The following ARHGAP20 variants were observed in gnomAD, a reference collection of about 807,000 sequenced individuals.
ARHGAP20 encodes the protein Rho GTPase activating protein 20, also known as rho GTPase-activating protein 20.
In ARHGAP20, 34 loss-of-function variants were observed where a neutral mutation model predicts 73.7. The ratio of observed to expected loss-of-function variants is 0.46; its 90% confidence interval spans 0.35 to 0.61. The LOEUF (loss-of-function observed/expected upper bound fraction) is 0.61. Among genes scored for constraint, ARHGAP20 ranks in the 20% least tolerant of loss-of-function variants. ARHGAP20 has a pLI of 0.00. For synonymous variants in ARHGAP20, 523 were observed against 518.2 expected (o/e 1.01, Z -0.13); for missense variants, 1,314 against 1,420.9 (o/e 0.92, Z 1.21).
chr11:110,641,412 G>A (rs922762238), intron 2 of ARHGAP20, among the ~76,000 whole-genome samples: 3 of 151,934 alleles, frequency 2.0e-5, no homozygotes, highest in African/African-American at 7.2e-5. Context: ...CTTAGTACAA[G>A]GCACTTGATA....
chr11:110,594,743 T>G (rs1179489032), intron 9 of ARHGAP20, among the ~76,000 whole-genome samples: 2 of 152,030 alleles, frequency 1.3e-5, no homozygotes, highest in African/African-American at 4.8e-5. Context: ...CTTCTGAAAC[T>G]ATTCCAATCA....
At chr11:110,689,401 G>A (rs2135114439) in intron 2 of ARHGAP20, among the ~76,000 whole-genome samples, 1 of 151,734 alleles carries the variant, frequency 6.6e-6, no homozygotes, top group South Asian at 2.1e-4. Flanking sequence ...ACATTCCTTT[G>A]AACATAAAAA....
chr11:110,679,893 C>T (rs1169572606), intron 2 of ARHGAP20, among the ~76,000 whole-genome samples: 1 of 152,156 alleles, frequency 6.6e-6, no homozygotes, highest in Non-Finnish European at 1.5e-5. Flanking sequence ...CATTAAACAG[C>T]TGGTCACTCC....
At chr11:110,617,691 T>C (rs1293252262) in intron 4 of ARHGAP20, among the ~76,000 whole-genome samples, 2 of 152,118 alleles carry the variant, frequency 1.3e-5, no homozygotes, top group Non-Finnish European at 2.9e-5. Flanking sequence ...TATTTCCCTT[T>C]CCCCCCTGCT....
chr11:110,604,869 A>G (rs1948187744), intron 9 of ARHGAP20, among the ~76,000 whole-genome samples: 1 of 152,210 alleles, frequency 6.6e-6, no homozygotes, highest in African/African-American at 2.4e-5. Context: ...AGAAAGTGAC[A>G]GGCTGGCTGT....
chr11:110,645,351 G>GA (rs1300939043), intron 2 of ARHGAP20, among the ~76,000 whole-genome samples: 5 of 152,018 alleles, frequency 3.3e-5, no homozygotes, highest in African/African-American at 1.2e-4. Context: ...GTGGCCCACA[G>GA]ACATATTTTT....
At chr11:110,660,071 A>AAAAACAAACAAC (rs1949573462) in intron 2 of ARHGAP20, among the ~76,000 whole-genome samples, 1 of 151,838 alleles carries the variant, frequency 6.6e-6, no homozygotes, top group African/African-American at 2.4e-5. Context: ...CAAAAAAAAA[A>AAAAACAAACAAC]AAAAAAAGAA....
chr11:110,654,027 G>C (rs1300453025), intron 2 of ARHGAP20, among the ~76,000 whole-genome samples: 6 of 152,018 alleles, frequency 3.9e-5, no homozygotes, highest in African/African-American at 1.2e-4. Context: ...ACAGGGAAGG[G>C]AACAACATAC....
intron 8 of ARHGAP20, among the ~76,000 whole-genome samples, chr11:110,607,208 C>T (rs1041407227): frequency 5.9e-5 from 9 of 152,112 alleles, no homozygotes; most frequent in Non-Finnish European, 1.2e-4. Flanking sequence ...TGTCAAGTAT[C>T]ACTATTATTA....
In ARHGAP20 at chr11:110,615,555, C is replaced by T. The variant is rs192403835; in HGVS notation, c.543G>A (p.Gln181=). 104 of 1,610,630 alleles carry T rather than the reference C, an allele frequency of 6.5e-5. No individual in the cohort carries two copies. The Admixed American group carries it at 7.4e-4, about 11-fold the overall frequency. Residue 181 remains glutamine, a splice_region_variant and synonymous_variant, in exon 5 of 15, where the codon CAG becomes CAA. Coordinates refer to ENST00000683387, the MANE Select transcript of ARHGAP20 (RefSeq NM_001384657.1). ...AAATATGAATACTGAAAAAATACCT[C>T]TGAAGGAGAGAGAGCCATTTGTCCT... is the stretch of plus-strand genomic sequence containing the variant. The part of the protein sequence containing the change: ...EQKDKWLSLL[Q]RYINLEKEKD...
intron 9 of ARHGAP20, among the ~76,000 whole-genome samples, chr11:110,604,460 G>C (rs1036094652): frequency 2.0e-5 from 3 of 152,200 alleles, no homozygotes; most frequent in Admixed American, 6.5e-5. Context: ...AAACCCTTAG[G>C]ATTCCTGATT....
chr11:110,660,736 C>A (rs1949590534), intron 2 of ARHGAP20, among the ~76,000 whole-genome samples: 1 of 152,178 alleles, frequency 6.6e-6, no homozygotes, highest in Non-Finnish European at 1.5e-5. Context: ...AGGAAACAAG[C>A]ATGTGCTGTT....
chr11:110,640,578 T>C (rs1949057328), intron 2 of ARHGAP20, among the ~76,000 whole-genome samples: 3 of 152,022 alleles, frequency 2.0e-5, no homozygotes, highest in African/African-American at 7.2e-5. Context: ...AAGTATATTA[T>C]ATGGGAATCT....
At chr11:110,679,025 T>C (rs954609598) in intron 2 of ARHGAP20, among the ~76,000 whole-genome samples, 1 of 152,130 alleles carries the variant, frequency 6.6e-6, no homozygotes, top group Non-Finnish European at 1.5e-5. Flanking sequence ...AGTGTCTTAG[T>C]TGGGTGGGTC....
Position 110,611,928 on chromosome 11 carries a change from T to C in ARHGAP20, c.631-542A>G, listed in dbSNP as rs533505896. Among the ~76,000 whole-genome samples the C allele has an allele frequency of 1.8e-3, 281 of 152,310 alleles. 4 individuals carry two copies. Among genetic ancestry groups the C allele is most frequent in the African/African-American group, 6.4e-3 (266 of 41,574 alleles). On this transcript the variant is annotated intron_variant, in intron 6 of 14. Coordinates refer to ENST00000683387, the MANE Select transcript of ARHGAP20 (RefSeq NM_001384657.1). The stretch of plus-strand genomic sequence containing the variant: ...TTTAAAAAGTCACTATTGGGAACTT[T>C]CCATGTGTCACACACTGTGGCCACT...
intron 9 of ARHGAP20, among the ~76,000 whole-genome samples, chr11:110,605,451 A>G (rs567398845): frequency 2.6e-5 from 4 of 152,336 alleles, no homozygotes; most frequent in Non-Finnish European, 1.5e-5. Flanking sequence ...TAAATTAGAA[A>G]TTAACTTTAA....
chr11:110,594,020 C>A (rs1013040186), intron 9 of ARHGAP20, among the ~76,000 whole-genome samples: 2 of 152,226 alleles, frequency 1.3e-5, no homozygotes, highest in Admixed American at 1.3e-4. Context: ...TTAAAGGACA[C>A]AGTCAGCAGT....
rs979632671 is a variant in ARHGAP20, at chr11:110,584,939, G to A, written c.1416-1202C>T. On this transcript the variant is annotated intron_variant, in intron 12 of 14. Transcript: ENST00000683387. ...TATGAATATATATGTGAATATATGT[G>A]TATATGAATATATGAATATATGTGA... is the stretch of plus-strand genomic sequence containing the variant. Among the ~76,000 whole-genome samples the A allele has an allele frequency of 1.8e-3, 212 of 115,382 alleles. 1 individual carries two copies. Among genetic ancestry groups the A allele is most frequent in the African/African-American group, 6.1e-3 (205 of 33,388 alleles). 75.7% of individuals were successfully genotyped at this position (115,382 alleles called of 152,430 possible). A position where few individuals can be genotyped will look rare whatever the true frequency, so the allele number is the denominator to read the frequency against.
chr11:110,661,898 T>C (rs1048528564), intron 2 of ARHGAP20, among the ~76,000 whole-genome samples: 16 of 151,378 alleles, frequency 1.1e-4, no homozygotes, highest in African/African-American at 2.7e-4. Flanking sequence ...ACAAAAGATA[T>C]AAGCACAAAG....
Sources: gnomAD v4.1 joint callset for allele counts (sites outside exome capture counted in the v4.1 genomes callset) on GRCh38, gnomAD v4.1.1 for gene constraint, MANE v1.5 for transcripts, NCBI Gene and HGNC (gene_info 2026-07-23, HGNC 2026-07-21) for gene names.